Variants in CTCF observed in about 807,000 individuals in gnomAD.
The protein encoded by CTCF is transcriptional repressor CTCF.
Under a neutral mutation model 72.3 loss-of-function variants are expected in CTCF, and 7 were observed. The observed-to-expected ratio is 0.10, with a 90% confidence interval of 0.06 to 0.18. CTCF has a LOEUF of 0.18. Among genes scored for constraint, CTCF ranks in the 10% least tolerant of loss-of-function variants. CTCF has a pLI of 1.00. For synonymous variants in CTCF, 374 were observed against 315.8 expected, an observed-to-expected ratio of 1.18 and a Z score of -1.95; for missense variants, 516 against 949.1, an observed-to-expected ratio of 0.54 and a Z score of 6.00.
rs547951961 is a variant in CTCF, at chr16:67,626,792, A to G, written c.1518+77A>G. 8.1e-5 allele frequency: 87 copies of G among 1,070,860 alleles called. No individual in the cohort carries two copies. The Middle Eastern group carries it at 1.2e-3, about 15-fold the overall frequency. 66.3% of individuals were successfully genotyped at this position (1,070,860 alleles called of 1,614,324 possible). A position where few individuals can be genotyped will look rare whatever the true frequency, so the allele number is the denominator to read the frequency against. ...CAGAGGGCATTTACATATCTAGTAC[A>G]GTGGCTGTTTTTAAAGATAGTATTT... On this transcript the variant is annotated intron_variant, in intron 8 of 11. Coordinates refer to ENST00000264010, the MANE Select transcript of CTCF (RefSeq NM_006565.4).
In CTCF at chr16:67,638,105, A is replaced by G; in HGVS notation, c.*233A>G. 5.9e-6 allele frequency: 3 copies of G among 505,606 alleles called. No homozygotes were observed. The highest frequency in any genetic ancestry group is 1.1e-5 in the Non-Finnish European group (3 of 283,788). The allele number at this position is 505,606 out of a possible 1,614,324, so 31.3% of individuals were successfully genotyped here. The stretch of plus-strand genomic sequence containing the variant: ...CTGAGTCCCTGAGGGTTTACTGTGA[A>G]GTGCTGAGGACAGTGTTGACAACTA... On this transcript the variant is annotated 3_prime_UTR_variant, in exon 12 of 12. Transcript: ENST00000264010.
intron 2 of CTCF, among the ~76,000 whole-genome samples, chr16:67,603,123 G>A (rs747134994): frequency 3.9e-5 from 6 of 151,978 alleles, no homozygotes; most frequent in African/African-American, 1.5e-4. Context: ...TGGGCACGAC[G>A]GCACATACCT....
intron 2 of CTCF, among the ~76,000 whole-genome samples, chr16:67,579,003 C>T: frequency 6.8e-6 from 1 of 146,540 alleles, no homozygotes; most frequent in Non-Finnish European, 1.5e-5. Flanking sequence ...GCCTGTAATC[C>T]CAGCACTTTG....
intron 2 of CTCF, among the ~76,000 whole-genome samples, chr16:67,575,836 T>C (rs1243382370): frequency 2.0e-5 from 3 of 151,884 alleles, no homozygotes; most frequent in Non-Finnish European, 2.9e-5. Flanking sequence ...TATTGTGCCA[T>C]AGGAAAATGG....
At chr16:67,597,530 G>A (rs552271810) in intron 2 of CTCF, among the ~76,000 whole-genome samples, 1 of 152,102 alleles carries the variant, frequency 6.6e-6, no homozygotes, top group African/African-American at 2.4e-5. Flanking sequence ...GTGGAGACGG[G>A]GTTTCACCAT....
intron 5 of CTCF, among the ~76,000 whole-genome samples, chr16:67,618,909 T>C (rs890438966): frequency 2.0e-5 from 3 of 152,210 alleles, no homozygotes; most frequent in Admixed American, 1.3e-4. Context: ...TAAATATGAA[T>C]GGCTAAGAAA....
In CTCF at chr16:67,610,960, A is replaced by G. The variant is rs750230442; in HGVS notation, c.128A>G (p.Asn43Ser). 1 of 1,592,798 alleles carries G rather than the reference A, an allele frequency of 6.3e-7. No individual in the cohort carries two copies. Among genetic ancestry groups the G allele is most frequent in the East Asian group, 2.3e-5 (1 of 44,310 alleles). ...GAAGATGCCTGCCACTTACCCCAGA[A>G]CCAGACGGATGGGGGTGAGGTGGTC... is the stretch of plus-strand genomic sequence containing the variant. ...QEEDACHLPQNQTDGGEVVQD... is the reference protein window; with the variant it reads ...QEEDACHLPQSQTDGGEVVQD... Residue 43 changes from asparagine (N) to serine (S), a missense_variant, in exon 3 of 12, where the codon AAC (asparagine) becomes AGC (serine). Coordinates refer to ENST00000264010, the MANE Select transcript of CTCF (RefSeq NM_006565.4).
At chr16:67,562,921 A>G (rs868588851) in intron 1 of CTCF, among the ~76,000 whole-genome samples, 197 bp downstream of exon 1, 1 of 41,398 alleles carries the variant, frequency 2.4e-5, no homozygotes, top group Non-Finnish European at 7.1e-5. Flanking sequence ...CCCCACCCCC[A>G]CGCCCGCCCG....
intron 2 of CTCF, among the ~76,000 whole-genome samples, chr16:67,584,773 G>T (rs1597690033): frequency 6.6e-6 from 1 of 152,100 alleles, no homozygotes; most frequent in African/African-American, 2.4e-5. Flanking sequence ...TCATTTTACA[G>T]ATAAGAAAAC....
chr16:67,620,512 C>T (rs533446043), intron 5 of CTCF, among the ~76,000 whole-genome samples, 185 bp from the exon 6 acceptor site: 47 of 152,294 alleles, frequency 3.1e-4, no homozygotes, highest in Non-Finnish European at 5.0e-4. Flanking sequence ...ACCCACTTCT[C>T]TTAGATAATG....
At chr16:67,606,324 T>G (rs529101935) in intron 2 of CTCF, among the ~76,000 whole-genome samples, 1 of 152,354 alleles carries the variant, frequency 6.6e-6, no homozygotes, top group East Asian at 1.9e-4. Flanking sequence ...TGCTCACGTT[T>G]CAGGGTTCCG....
In CTCF at chr16:67,564,154, G is replaced by T. The variant is rs550143594; in HGVS notation, c.-127+1430G>T. 2.0e-5 allele frequency among the ~76,000 whole-genome samples: 3 copies of T among 152,288 alleles called. No homozygotes were observed. The East Asian group carries it at 5.8e-4, about 29-fold the overall frequency. On this transcript the variant is annotated intron_variant, in intron 1 of 11. Coordinates refer to ENST00000264010, the MANE Select transcript of CTCF (RefSeq NM_006565.4). ...ATAGGTGGGAAAGGAAGTTAAACAA[G>T]GCATATATTTAAATTTATTCGGTCC... is the stretch of plus-strand genomic sequence containing the variant.
chr16:67,570,678 T>A (rs1354839686), intron 1 of CTCF: 1 of 151,532 alleles, frequency 6.6e-6, no homozygotes, highest in Non-Finnish European at 1.5e-5. Context: ...CCTGACCTCG[T>A]GATCTGCCCG....
intron 4 of CTCF, 149 bp from the exon 5 acceptor site, chr16:67,616,596 G>A (rs936531141): frequency 7.5e-6 from 6 of 801,760 alleles, no homozygotes; most frequent in African/African-American, 6.9e-5. Flanking sequence ...CATAGTTTTC[G>A]GAGCTGACTT....
At chr16:67,595,826 T>C (rs1287698402) in intron 2 of CTCF, among the ~76,000 whole-genome samples, 1 of 152,178 alleles carries the variant, frequency 6.6e-6, no homozygotes, top group Admixed American at 6.6e-5. Context: ...ATTTTCTCCA[T>C]ATTATGTATT....
Position 67,610,397 on chromosome 16 carries a change from C to T in CTCF, c.-9-427C>T, listed in dbSNP as rs936546366. Among the ~76,000 whole-genome samples the T allele has an allele frequency of 4.8e-5, 7 of 147,284 alleles. No individual in the cohort carries two copies. In the East Asian group the frequency reaches 1.2e-3, roughly 25 times the overall value. ...AGATGGAGTCTTGCTCTGTCCCCCA[C>T]GCTGGAGCGCAGTGGTGCAATCTCG... is the stretch of plus-strand genomic sequence containing the variant. On this transcript the variant is annotated intron_variant, in intron 2 of 11. Transcript: ENST00000264010.
chr16:67,621,389 AT>A (rs2052196819), intron 6 of CTCF, 52 bp from the exon 7 acceptor site: 1 of 1,356,194 alleles, frequency 7.4e-7, no homozygotes, highest in African/African-American at 1.4e-5. Flanking sequence ...CTCCAGTTAA[AT>A]TACAGTATTT....
intron 7 of CTCF, among the ~76,000 whole-genome samples, chr16:67,622,208 T>A (rs769583787): frequency 3.3e-5 from 5 of 151,792 alleles, no homozygotes; most frequent in Non-Finnish European, 5.9e-5. Context: ...TACAAAAAAT[T>A]AACTGGGCAT....
chr16:67,565,538 G>T lies in CTCF; in HGVS notation c.-127+2814G>T, dbSNP rs975877651. On this transcript the variant is annotated intron_variant, in intron 1 of 11. Coordinates refer to ENST00000264010, the MANE Select transcript of CTCF (RefSeq NM_006565.4). ...AAATACAAAAAATTAGCCAGGCATGGTGGCACACGCCGTAGTCCTGGCTAC... is the reference window on the plus strand; with the variant it reads ...AAATACAAAAAATTAGCCAGGCATGTTGGCACACGCCGTAGTCCTGGCTAC... Among the ~76,000 whole-genome samples the T allele has an allele frequency of 3.3e-5, 5 of 151,864 alleles. No homozygotes were observed. In the East Asian group the frequency reaches 9.8e-4, roughly 30 times the overall value.
Sources: gnomAD v4.1 joint callset for allele counts (sites outside exome capture counted in the v4.1 genomes callset) on GRCh38, gnomAD v4.1.1 for gene constraint, MANE v1.5 for transcripts, NCBI Gene and HGNC (gene_info 2026-07-23, HGNC 2026-07-21) for gene names.